The following ZC3H12B variants were observed in gnomAD, a reference collection of about 807,000 sequenced individuals.
ZC3H12B encodes zinc finger CCCH-type containing 12B.
ZC3H12B carries 7 observed loss-of-function variants against 43.9 expected under a neutral mutation model. The ratio of observed to expected loss-of-function variants is 0.16; its 90% CI spans 0.09 to 0.30. The LOEUF (loss-of-function observed/expected upper bound fraction) is 0.30, where lower values mean the gene tolerates loss of function less well. Ranked by LOEUF, ZC3H12B falls within the 10% of genes least tolerant of loss-of-function variation. ZC3H12B has a pLI of 1.00. For missense variants in ZC3H12B, 475 were observed against 670.2 expected, an observed-to-expected ratio of 0.71 and a Z score of 3.22; for synonymous variants, 222 against 241.7, an observed-to-expected ratio of 0.92 and a Z score of 0.76.
the ZC3H12B span, among the ~76,000 whole-genome samples, chrX:65,188,855 A>T: frequency 4.8e-4 from 51 of 105,854 alleles, no homozygotes; most frequent in Admixed American, 1.5e-3. Flanking sequence ...TGCAGGTTAG[A>T]TACATATGTA....
chrX:65,157,837 A>T, the ZC3H12B span, among the ~76,000 whole-genome samples: 2 of 106,546 alleles, frequency 1.9e-5, no homozygotes, highest in South Asian at 8.9e-4. Context: ...TTAGTTACAT[A>T]TGTATACATG....
In ZC3H12B at chrX:65,393,259, TA is replaced by T. The variant is rs779609611; in HGVS notation, n.296-5325del. On this transcript the variant is annotated intron_variant and non_coding_transcript_variant, in intron 2 of 5. Transcript: ENST00000617377. The stretch of plus-strand genomic sequence containing the variant: ...AATGATCAATAAATACTAAAAAAAT[TA>T]AAAAAAAATTCAACATCCTTTCTTT... 1.0e-3 allele frequency among the ~76,000 whole-genome samples: 115 copies of T among 111,132 alleles called. 1 individual carries two copies. Among genetic ancestry groups the T allele is most frequent in the African/African-American group, 3.6e-3 (109 of 30,603 alleles).
the ZC3H12B span, among the ~76,000 whole-genome samples, chrX:65,201,940 G>A: frequency 9.7e-6 from 1 of 103,314 alleles, no homozygotes; most frequent in Non-Finnish European, 2.0e-5. Flanking sequence ...TTGCTGCCCT[G>A]TGAAGAGGTG....
At chrX:65,366,200 GT>G (rs1276650195), upstream of ZC3H12B, among the ~76,000 whole-genome samples, 2 of 108,685 alleles carry the variant, frequency 1.8e-5, no homozygotes, top group Non-Finnish European at 3.8e-5. Context: ...AAGAAAGGTG[GT>G]TTTCCCCATC....
chrX:65,099,301 T>A, the ZC3H12B span, among the ~76,000 whole-genome samples: 1 of 111,801 alleles, frequency 8.9e-6, no homozygotes, highest in Non-Finnish European at 1.9e-5. Context: ...CGGACTTAAA[T>A]GTTCCTGCCT....
At chrX:65,462,263 C>A (rs767304188) in intron 3 of ZC3H12B, among the ~76,000 whole-genome samples, 2 of 111,260 alleles carry the variant, frequency 1.8e-5, no homozygotes, top group East Asian at 2.8e-4. Flanking sequence ...GTAATCCCAG[C>A]ACTTTGGGAG....
chrX:65,337,558 G>T, the ZC3H12B span, among the ~76,000 whole-genome samples: 2 of 112,109 alleles, frequency 1.8e-5, no homozygotes, highest in Admixed American at 9.5e-5. Flanking sequence ...TGATGGGCAT[G>T]TTCATTCACT....
At chrX:65,082,318 C>A in the ZC3H12B span, among the ~76,000 whole-genome samples, 5 of 110,648 alleles carry the variant, frequency 4.5e-5, no homozygotes, top group African/African-American at 1.6e-4. Flanking sequence ...ATACAAATGA[C>A]CTAAGAAACA....
chrX:65,215,536 G>T, the ZC3H12B span, among the ~76,000 whole-genome samples: 1 of 110,810 alleles, frequency 9.0e-6, no homozygotes, highest in African/African-American at 3.3e-5. Context: ...GTTGGAGAGA[G>T]TTGCAGCCTT....
chrX:65,351,991 T>C, the ZC3H12B span, among the ~76,000 whole-genome samples: 5 of 112,279 alleles, frequency 4.5e-5, 1 homozygote, highest in Admixed American at 9.4e-5. Context: ...GATTATAAAT[T>C]ATTCTACTAT....
At chrX:65,077,755 G>A in the ZC3H12B span, among the ~76,000 whole-genome samples, 1 of 112,104 alleles carries the variant, frequency 8.9e-6, no homozygotes, top group African/African-American at 3.2e-5. Context: ...GTTTATGCCT[G>A]TTGGCAGTTC....
intron 3 of ZC3H12B, among the ~76,000 whole-genome samples, chrX:65,439,270 T>G (rs1017663934): frequency 3.6e-5 from 4 of 111,688 alleles, no homozygotes; most frequent in African/African-American, 1.3e-4. Flanking sequence ...GAGGTTGAGG[T>G]GCCACTATAC....
chrX:65,231,403 A>T, the ZC3H12B span, among the ~76,000 whole-genome samples: 1 of 111,365 alleles, frequency 9.0e-6, no homozygotes, highest in Non-Finnish European at 1.9e-5. Context: ...GACAACCAAT[A>T]TGAGTAGAAT....
chrX:65,416,509 C>T (rs748020928), intron 3 of ZC3H12B, among the ~76,000 whole-genome samples: 2 of 110,209 alleles, frequency 1.8e-5, no homozygotes, highest in Non-Finnish European at 3.8e-5. Flanking sequence ...GGGCCGGGTG[C>T]GGTGGCTCAC....
At chrX:65,097,721 A>T in the ZC3H12B span, among the ~76,000 whole-genome samples, 1 of 112,367 alleles carries the variant, frequency 8.9e-6, no homozygotes, top group Non-Finnish European at 1.9e-5. Flanking sequence ...GAGGTTGAAT[A>T]GTCCTGCTTT....
At chrX:65,207,754 A>T in the ZC3H12B span, among the ~76,000 whole-genome samples, 4 of 73,344 alleles carry the variant, frequency 5.5e-5, no homozygotes, top group African/African-American at 2.2e-4. Context: ...TTGAATCTGT[A>T]AATTACCTTG....
At chrX:65,218,660 A>G in the ZC3H12B span, among the ~76,000 whole-genome samples, 2 of 110,834 alleles carry the variant, frequency 1.8e-5, no homozygotes, top group Non-Finnish European at 1.9e-5. Context: ...AGCAGCCGCA[A>G]CAAGCCCTGC....
chrX:65,358,073 A>T, the ZC3H12B span, among the ~76,000 whole-genome samples: 1 of 111,203 alleles, frequency 9.0e-6, no homozygotes, highest in Non-Finnish European at 1.9e-5. Context: ...CAGATATTAA[A>T]CCAACAAAGA....
In ZC3H12B at chrX:65,367,501, A is replaced by G. The variant is rs183712631; in HGVS notation, n.125+739A>G. On this transcript the variant is annotated intron_variant and non_coding_transcript_variant, in intron 1 of 5. Transcript: ENST00000617377. ...CCATTTTTTTGAAATTTGCTTATGT[A>G]TAAATGAACTGTGGAATATACTTTC... Among the ~76,000 whole-genome samples, 153 of 111,975 alleles carry G rather than the reference A, an allele frequency of 1.4e-3. 2 individuals are homozygous for G. In the South Asian group the frequency reaches 0.054, roughly 40 times the overall value.
Sources: allele counts gnomAD v4.1 joint callset (sites outside exome capture counted in the v4.1 genomes callset), GRCh38; gene constraint gnomAD v4.1.1; transcripts MANE v1.5; gene names NCBI Gene and HGNC (gene_info 2026-07-23, HGNC 2026-07-21).